Variants in ATP8A2 observed in about 807,000 individuals in gnomAD.
The protein encoded by ATP8A2 is phospholipid-transporting ATPase IB.
A neutral mutation model predicts 165.6 loss-of-function variants in ATP8A2; 100 were observed. The observed-to-expected ratio is 0.60, with a 90% CI of 0.51 to 0.71. ATP8A2 has a LOEUF of 0.71. Among genes scored for constraint, ATP8A2 ranks in the 30% least tolerant of loss-of-function variants. The pLI is 0.00. For synonymous variants in ATP8A2, 543 were observed against 548.8 expected, an observed-to-expected ratio of 0.99 and a Z score of 0.15; for missense variants, 1,227 against 1,479.5, an observed-to-expected ratio of 0.83 and a Z score of 2.80.
intron 33 of ATP8A2, among the ~76,000 whole-genome samples, chr13:25,903,540 AAG>A (rs572016786): frequency 3.7e-4 from 57 of 152,306 alleles, no homozygotes; most frequent in Middle Eastern, 3.4e-3. Context: ...TGGCCTCATT[AAG>A]AGAGTAAGTC....
At chr13:25,913,544 G>A (rs1355367246) in intron 33 of ATP8A2, among the ~76,000 whole-genome samples, 2 of 152,252 alleles carry the variant, frequency 1.3e-5, no homozygotes, top group East Asian at 3.9e-4. Flanking sequence ...AAAGAAAAAG[G>A]TCTGATTTAT....
At position 25,699,254 on chromosome 13, in the gene ATP8A2, G is replaced by A. The variant is rs1064793377; in HGVS notation, c.2293G>A (p.Asp765Asn). The A allele has an allele frequency of 1.2e-6, 2 of 1,613,656 alleles. No homozygotes were observed. The highest frequency in any genetic ancestry group is 2.2e-5 in the East Asian group (1 of 44,860). Residue 765 changes from aspartate (D) to asparagine (N), a missense_variant, in exon 25 of 37, where the codon GAT becomes AAT. Coordinates refer to ENST00000381655, the MANE Select transcript of ATP8A2 (RefSeq NM_016529.6). ...GGAAAATGACGTGGCCCTGATCATC[G>A]ATGGCCACACCCTGAAGTACGCGCT... is the stretch of plus-strand genomic sequence containing the variant. ...GKENDVALII[D>N]GHTLKYALSF...
intron 33 of ATP8A2, among the ~76,000 whole-genome samples, chr13:25,920,763 A>G (rs1431666456): frequency 1.3e-5 from 2 of 152,150 alleles, no homozygotes; most frequent in Non-Finnish European, 2.9e-5. Flanking sequence ...TTTTGCTTTT[A>G]CTTATTTATG....
rs1337651625 is a variant in ATP8A2, at chr13:25,485,720, T to C, written c.221+16599T>C. On this transcript the variant is annotated intron_variant, in intron 2 of 36. Coordinates refer to ENST00000381655, the MANE Select transcript of ATP8A2 (RefSeq NM_016529.6). ...ATGTTTAATTACTATAACAAAACGTTAATTCTCACATTATATTTGAGTTAG... is the reference window on the plus strand; with the variant it reads ...ATGTTTAATTACTATAACAAAACGTCAATTCTCACATTATATTTGAGTTAG... 3.3e-5 allele frequency among the ~76,000 whole-genome samples: 5 copies of C among 152,360 alleles called. No individual in the cohort carries two copies. The East Asian group carries it at 7.7e-4, about 23-fold the overall frequency.
At chr13:25,747,500 C>T (rs2044058490) in intron 25 of ATP8A2, among the ~76,000 whole-genome samples, 1 of 152,166 alleles carries the variant, frequency 6.6e-6, no homozygotes, top group African/African-American at 2.4e-5. Flanking sequence ...ATGTCTTCCA[C>T]ATACCTGATA....
At chr13:25,542,881 A>G (rs919824169) in intron 9 of ATP8A2, among the ~76,000 whole-genome samples, 2 of 151,912 alleles carry the variant, frequency 1.3e-5, no homozygotes, top group Non-Finnish European at 2.9e-5. Context: ...TTAAAATTTT[A>G]CTCCTTCCTA....
chr13:25,802,837 A>G (rs184814876), intron 27 of ATP8A2, among the ~76,000 whole-genome samples: 47 of 152,304 alleles, frequency 3.1e-4, no homozygotes, highest in African/African-American at 1.1e-3. Flanking sequence ...CTAGAGGTGC[A>G]AGTTACTAGA....
At chr13:25,717,485 C>G (rs1439340388) in intron 25 of ATP8A2, among the ~76,000 whole-genome samples, 2 of 150,200 alleles carry the variant, frequency 1.3e-5, no homozygotes, top group African/African-American at 4.9e-5. Context: ...AAAACCAAAG[C>G]TTAGGGGAGG....
chr13:25,665,275 A>G (rs1050060151), intron 24 of ATP8A2, among the ~76,000 whole-genome samples: 2 of 152,140 alleles, frequency 1.3e-5, no homozygotes, highest in Admixed American at 6.5e-5. Flanking sequence ...AGATTATTCA[A>G]CTTTTTTGAG....
intron 33 of ATP8A2, among the ~76,000 whole-genome samples, chr13:25,875,647 A>G (rs1952802334): frequency 1.3e-5 from 2 of 152,034 alleles, no homozygotes; most frequent in Admixed American, 1.3e-4. Flanking sequence ...ACCACAAACC[A>G]TATATTTTTT....
At chr13:25,932,272 C>A (rs1343748687) in intron 33 of ATP8A2, among the ~76,000 whole-genome samples, 1 of 152,134 alleles carries the variant, frequency 6.6e-6, no homozygotes, top group East Asian at 1.9e-4. Context: ...GAAAACAGCA[C>A]CTACCTCCAG....
chr13:25,768,890 T>C (rs959931720), intron 25 of ATP8A2, among the ~76,000 whole-genome samples, 156 bp from the exon 26 acceptor site: 2 of 152,234 alleles, frequency 1.3e-5, no homozygotes, highest in Non-Finnish European at 2.9e-5. Flanking sequence ...CACAAGCTAC[T>C]GTTTTCTGAA....
In ATP8A2 at chr13:25,429,330, A is replaced by G. The variant is rs577888506; in HGVS notation, c.77-39647A>G. On this transcript the variant is annotated intron_variant, in intron 1 of 36. Transcript: ENST00000381655. ...GGTTGCAGTGTGCCAAGATGGAGCCATTGCACTCCAGCCTGGGCCCATAAC... is the reference window on the plus strand; with the variant it reads ...GGTTGCAGTGTGCCAAGATGGAGCCGTTGCACTCCAGCCTGGGCCCATAAC... Among the ~76,000 whole-genome samples the G allele has an allele frequency of 9.7e-4, 143 of 147,308 alleles. 2 individuals carry two copies. Among genetic ancestry groups the G allele is most frequent in the African/African-American group, 3.5e-3 (139 of 39,582 alleles).
At chr13:25,862,779 GT>G (rs1451676997) in intron 33 of ATP8A2, among the ~76,000 whole-genome samples, 1 of 152,092 alleles carries the variant, frequency 6.6e-6, no homozygotes, top group Non-Finnish European at 1.5e-5. Context: ...GTTGATTACA[GT>G]TTTGATGTTG....
chr13:25,636,945 C>T (rs1474580865), intron 24 of ATP8A2, among the ~76,000 whole-genome samples: 5 of 151,598 alleles, frequency 3.3e-5, no homozygotes, highest in African/African-American at 1.2e-4. Flanking sequence ...ATAAATGTAG[C>T]CAGACACAGT....
chr13:25,507,220 T>G (rs951005117), intron 2 of ATP8A2, among the ~76,000 whole-genome samples: 2 of 44,014 alleles, frequency 4.5e-5, no homozygotes, highest in East Asian at 7.4e-4. Context: ...TACCATTCTT[T>G]GTGTGTGTGT....
intron 1 of ATP8A2, among the ~76,000 whole-genome samples, chr13:25,467,197 G>A (rs2035692106): frequency 6.6e-6 from 1 of 152,180 alleles, no homozygotes; most frequent in African/African-American, 2.4e-5. Context: ...GTGAGGAATA[G>A]CCAGGGTGCT....
chr13:25,941,912 C>T (rs527283845), intron 33 of ATP8A2, among the ~76,000 whole-genome samples: 1 of 152,196 alleles, frequency 6.6e-6, no homozygotes, highest in Non-Finnish European at 1.5e-5. Flanking sequence ...TCGTTGTCCT[C>T]CCAGTCTCAC....
At chr13:25,589,585 G>T (rs574925833) in intron 23 of ATP8A2, 50 bp from the exon 24 acceptor site, 3 of 1,407,336 alleles carry the variant, frequency 2.1e-6, no homozygotes, top group African/African-American at 1.4e-5. Context: ...AATTTAAGGA[G>T]CTCACAGAAG....
Sources: gnomAD v4.1 joint callset for allele counts (sites outside exome capture counted in the v4.1 genomes callset) on GRCh38, gnomAD v4.1.1 for gene constraint, MANE v1.5 for transcripts, NCBI Gene and HGNC (gene_info 2026-07-23, HGNC 2026-07-21) for gene names.